NBDY: variants seen among roughly 807,000 people sequenced by gnomAD.
The protein encoded by NBDY is P-body dissociating protein.
chrX:56,786,055 A>T (rs1274431604), intron 2 of NBDY, among the ~76,000 whole-genome samples: 1 of 111,103 alleles, frequency 9.0e-6, no homozygotes, highest in Non-Finnish European at 1.9e-5. Flanking sequence ...CCCTCTCTCC[A>T]TATTGCCATG....
rs1311412361 is a variant in NBDY, at chrX:56,729,505, C to A, written c.152C>A (p.Ala51Glu). The A allele has an allele frequency of 2.0e-5, 6 of 296,438 alleles. No homozygotes were observed. In the South Asian group the frequency reaches 8.2e-4, roughly 41 times the overall value. The allele number at this position is 296,438 out of a possible 1,213,427, so 24.4% of individuals were successfully genotyped here. A position where few individuals can be genotyped will look rare whatever the true frequency, so the allele number is the denominator to read the frequency against. The change falls in exon 1 of 3, where the codon GCA becomes GAA. Residue 51 changes from alanine to glutamate, a missense_variant. By Grantham distance (107) the Ala-to-Glu change is moderately radical. Coordinates refer to ENST00000374922, the MANE Select transcript of NBDY (RefSeq NM_001348129.2). ...PNGGSTTLPS[A>E]PPPASAGLKS... ...GGAGGTAGTACCACTCTACCCTCCG[C>A]ACCTCCTCCTGCATCAGCCGGCCTG...
intron 2 of NBDY, among the ~76,000 whole-genome samples, chrX:56,742,396 A>G (rs1322587012): frequency 9.0e-6 from 1 of 111,229 alleles, no homozygotes; most frequent in African/African-American, 3.3e-5. Flanking sequence ...TAAGTATTGC[A>G]TTGAACCTGT....
At chrX:56,786,951 GC>G (rs2069732757) in intron 2 of NBDY, among the ~76,000 whole-genome samples, 1 of 111,304 alleles carries the variant, frequency 9.0e-6, no homozygotes, top group South Asian at 3.8e-4. Flanking sequence ...GTGAATGAAT[GC>G]CCCCTTCACC....
chrX:56,804,067 G>A (rs951738223), intron 2 of NBDY, among the ~76,000 whole-genome samples: 1 of 110,970 alleles, frequency 9.0e-6, no homozygotes, highest in African/African-American at 3.3e-5. Flanking sequence ...ATGTGAAGGG[G>A]TATGGGGGAG....
chrX:56,781,120 G>T (rs1013472297), intron 2 of NBDY, among the ~76,000 whole-genome samples: 2 of 111,413 alleles, frequency 1.8e-5, no homozygotes, highest in African/African-American at 6.5e-5. Flanking sequence ...AGAGGTTCTT[G>T]TTTTTACCTT....
At chrX:56,736,526 A>G (rs1295619731) in intron 2 of NBDY, among the ~76,000 whole-genome samples, 6 of 112,308 alleles carry the variant, frequency 5.3e-5, no homozygotes, top group Non-Finnish European at 7.5e-5. Flanking sequence ...TCGGCCTCCC[A>G]AAGTGCTGGG....
chrX:56,739,284 TTATA>T (rs58094616), intron 2 of NBDY, among the ~76,000 whole-genome samples: 8 of 74,995 alleles, frequency 1.1e-4, no homozygotes, highest in South Asian at 7.2e-4. Context: ...ATATATATTT[TTATA>T]TATATATATA....
chrX:56,765,778 T>C (rs188806721), intron 2 of NBDY, among the ~76,000 whole-genome samples: 1 of 110,445 alleles, frequency 9.1e-6, no homozygotes, highest in East Asian at 2.8e-4. Flanking sequence ...TTTTCCTCCT[T>C]CTACTCCTCC....
At chrX:56,731,055 C>T (rs1284943006) in intron 1 of NBDY, among the ~76,000 whole-genome samples, 1 of 109,742 alleles carries the variant, frequency 9.1e-6, no homozygotes, top group East Asian at 2.8e-4. Context: ...ATAAATAAAT[C>T]AATGAATGAT....
At chrX:56,739,248 A>ATATTTT (rs2069516747) in intron 2 of NBDY, among the ~76,000 whole-genome samples, 1 of 79,897 alleles carries the variant, frequency 1.3e-5, no homozygotes, top group East Asian at 3.7e-4. Flanking sequence ...GTATATATAT[A>ATATTTT]TATATATATA....
At chrX:56,764,335 CGTTTAT>C (rs2069654702) in intron 2 of NBDY, among the ~76,000 whole-genome samples, 1 of 112,040 alleles carries the variant, frequency 8.9e-6, no homozygotes, top group Non-Finnish European at 1.9e-5. Flanking sequence ...CCAGTGGCTT[CGTTTAT>C]GTCCATCTCA....
intron 2 of NBDY, among the ~76,000 whole-genome samples, chrX:56,746,336 G>A (rs1327915488): frequency 9.0e-6 from 1 of 110,625 alleles, no homozygotes; most frequent in African/African-American, 3.3e-5. Flanking sequence ...AATATGATAT[G>A]ATCGAGTTCC....
chrX:56,760,073 C>T (rs1397779919), intron 2 of NBDY, among the ~76,000 whole-genome samples: 10 of 112,592 alleles, frequency 8.9e-5, no homozygotes, highest in African/African-American at 3.2e-4. Context: ...GGTCTTGAGG[C>T]TGCCGGGTTG....
intron 2 of NBDY, among the ~76,000 whole-genome samples, chrX:56,746,615 C>T (rs2146716671): frequency 9.1e-6 from 1 of 110,432 alleles, no homozygotes; most frequent in African/African-American, 3.3e-5. Context: ...ATATGTCCTG[C>T]TCATTTGGTT....
At chrX:56,748,041 T>C (rs553130051) in intron 2 of NBDY, among the ~76,000 whole-genome samples, 6 of 111,421 alleles carry the variant, frequency 5.4e-5, no homozygotes, top group South Asian at 7.7e-4. Context: ...TGTCCTCAGG[T>C]TAAATTTATT....
chrX:56,756,957 A>AAAAAG (rs902490130), intron 2 of NBDY, among the ~76,000 whole-genome samples: 8 of 111,949 alleles, frequency 7.1e-5, no homozygotes, highest in Non-Finnish European at 1.3e-4. Context: ...TCTCCCTGAA[A>AAAAAG]AAAAGAAAAG....
At chrX:56,800,340 A>G (rs1371640820) in intron 2 of NBDY, among the ~76,000 whole-genome samples, 1 of 112,119 alleles carries the variant, frequency 8.9e-6, no homozygotes, top group Non-Finnish European at 1.9e-5. Context: ...ACATCTAGGT[A>G]ACTCTCAATG....
intron 2 of NBDY, among the ~76,000 whole-genome samples, chrX:56,804,789 G>T (rs191456247): frequency 2.9e-3 from 329 of 112,223 alleles, no homozygotes; most frequent in African/African-American, 1.0e-2. Context: ...GGCAGAAATG[G>T]GAAAGCCATG....
At chrX:56,757,521 A>G (rs2069617480) in intron 2 of NBDY, among the ~76,000 whole-genome samples, 1 of 111,742 alleles carries the variant, frequency 8.9e-6, no homozygotes, top group African/African-American at 3.3e-5. Context: ...AAGAAAACCT[A>G]AAAAACAAAA....
Sources: allele counts gnomAD v4.1 joint callset (sites outside exome capture counted in the v4.1 genomes callset), GRCh38; gene constraint gnomAD v4.1.1; transcripts MANE v1.5; gene names NCBI Gene and HGNC (gene_info 2026-07-23, HGNC 2026-07-21).